The following NCAPD3 variants were observed in gnomAD, a reference collection of about 807,000 sequenced individuals.
NCAPD3 encodes the protein non-SMC condensin II complex subunit D3.
Under a neutral mutation model 182.9 loss-of-function variants are expected in NCAPD3, and 105 were observed. That is an observed-to-expected ratio of 0.57 (90% confidence interval 0.49 to 0.68). NCAPD3 has a LOEUF of 0.68. NCAPD3 is among the 30% of genes least tolerant of loss of function. The pLI is 0.00. For missense variants in NCAPD3, 1,944 were observed against 1,837.0 expected (o/e 1.06, Z -1.07); for synonymous variants, 815 against 679.9 (o/e 1.20, Z -3.09).
In NCAPD3 at chr11:134,150,866, G is replaced by A. The variant is rs1203550149; in HGVS notation, c.*2078C>T. The stretch of plus-strand genomic sequence containing the variant: ...AGCCTTTTAAAGAACGTCAGGTGGA[G>A]CAGCCAGGTGAAAGGCCTGGCGGGG... On this transcript the variant is annotated 3_prime_UTR_variant, in exon 35 of 35. Transcript: ENST00000534548. 3 of 152,220 alleles carry A rather than the reference G, an allele frequency of 2.0e-5. No homozygotes were observed. Among genetic ancestry groups the A allele is most frequent in the Non-Finnish European group, 4.4e-5 (3 of 68,050 alleles). The allele number at this position is 152,220 out of a possible 1,614,324, so 9.4% of individuals were successfully genotyped here.
At chr11:134,158,573 G>A (rs1406897057) in intron 29 of NCAPD3, 78 bp from the exon 30 acceptor site, 3 of 1,452,756 alleles carry the variant, frequency 2.1e-6, no homozygotes, top group East Asian at 2.3e-5. Flanking sequence ...AGTTGTACAT[G>A]GTTGGGGGTC....
chr11:134,186,787 C>T (rs923541599), intron 16 of NCAPD3, among the ~76,000 whole-genome samples: 2 of 152,024 alleles, frequency 1.3e-5, no homozygotes, highest in African/African-American at 4.8e-5. Context: ...CATCTATATA[C>T]CATAATAAGC....
chr11:134,184,505 C>T (rs1367003687), intron 19 of NCAPD3, 132 bp downstream of exon 19: 10 of 614,870 alleles, frequency 1.6e-5, no homozygotes, highest in Middle Eastern at 8.8e-4. Flanking sequence ...TGCCTTGTTG[C>T]GGCAATAGCT....
intron 7 of NCAPD3, among the ~76,000 whole-genome samples, chr11:134,207,658 C>T (rs1295011598): frequency 1.4e-5 from 2 of 146,478 alleles, no homozygotes; most frequent in African/African-American, 5.1e-5. Flanking sequence ...GCAGGAGAAT[C>T]ACTTGAACCT....
At chr11:134,165,801 GCA>G (rs1236236459) in intron 27 of NCAPD3, among the ~76,000 whole-genome samples, 2 of 137,358 alleles carry the variant, frequency 1.5e-5, no homozygotes, top group Non-Finnish European at 3.1e-5. Context: ...TAGGGGAGAT[GCA>G]CACTCACTTG....
intron 1 of NCAPD3, chr11:134,223,330 A>G: frequency 1.5e-6 from 1 of 677,740 alleles, no homozygotes; most frequent in Non-Finnish European, 2.7e-6. Context: ...GACACCTCAG[A>G]GGCAGGACAG....
intron 13 of NCAPD3, among the ~76,000 whole-genome samples, chr11:134,198,971 T>C (rs1944691919): frequency 6.6e-6 from 1 of 152,194 alleles, no homozygotes; most frequent in Admixed American, 6.5e-5. Context: ...ACATCTGGTG[T>C]TCATGGATTA....
At chr11:134,180,555 G>A (rs1042194271) in intron 20 of NCAPD3, among the ~76,000 whole-genome samples, 10 of 152,144 alleles carry the variant, frequency 6.6e-5, no homozygotes, top group African/African-American at 2.4e-4. Context: ...TCTAAAGCAG[G>A]GGTGCCACAG....
intron 29 of NCAPD3, 145 bp from the exon 30 acceptor site, chr11:134,158,640 T>G: frequency 3.7e-6 from 3 of 814,910 alleles, no homozygotes; most frequent in Non-Finnish European, 3.8e-6. Flanking sequence ...GTAATTGGCA[T>G]CTCCATCACC....
intron 16 of NCAPD3, among the ~76,000 whole-genome samples, chr11:134,190,880 G>A (rs559344244): frequency 2.0e-5 from 3 of 152,076 alleles, no homozygotes; most frequent in African/African-American, 7.2e-5. Flanking sequence ...AATCTGGTTG[G>A]GTGCAAGATT....
At chr11:134,221,655 T>C (rs940764317) in intron 1 of NCAPD3, among the ~76,000 whole-genome samples, 3 of 152,250 alleles carry the variant, frequency 2.0e-5, no homozygotes, top group Non-Finnish European at 4.4e-5. Flanking sequence ...CAGGTGTTCC[T>C]TCAAATTAAT....
intron 22 of NCAPD3, 53 bp from the exon 23 acceptor site, chr11:134,177,510 T>C: frequency 6.7e-7 from 1 of 1,494,360 alleles, no homozygotes; most frequent in Non-Finnish European, 9.2e-7. Flanking sequence ...CCTAATTCCA[T>C]TCCTAAATTT....
chr11:134,168,008 C>T lies in NCAPD3; in HGVS notation c.3561G>A (p.Lys1187=), dbSNP rs1229023442. ...ANVVMQEAQK[K]LISQVQKRNF... Reference sequence around the variant, plus strand: ...GCAACACACTCACTTGTGAGATGAGCTTCTTCTGAGCTTCCTGCATGACTA... The same window carrying T: ...GCAACACACTCACTTGTGAGATGAGTTTCTTCTGAGCTTCCTGCATGACTA... The change falls in exon 27 of 35, where the codon AAG becomes AAA. Residue 1187 remains lysine (K), a synonymous_variant. Transcript: ENST00000534548. 1 of 1,613,742 alleles carries T rather than the reference C, an allele frequency of 6.2e-7. No homozygotes were observed. Among genetic ancestry groups the T allele is most frequent in the Non-Finnish European group, 8.5e-7 (1 of 1,179,852 alleles).
chr11:134,214,399 T>C (rs1161622103), intron 3 of NCAPD3, among the ~76,000 whole-genome samples: 5 of 152,202 alleles, frequency 3.3e-5, no homozygotes, highest in Admixed American at 1.3e-4. Flanking sequence ...ATTTGTGGGA[T>C]GCAGATGAAG....
In NCAPD3 at chr11:134,168,994, T is replaced by C. The variant is rs749676205; in HGVS notation, c.3162A>G (p.Gln1054=). ...LLKRNPVMFF[Q]HFIECIFHFN... ...AGTGAAAAATACATTCAATGAAGTG[T>C]TGGAAGAACATGACAGGGTTCCTCT... The change falls in exon 25 of 35, where the codon CAA becomes CAG. Residue 1054 remains glutamine, a synonymous_variant. Coordinates refer to ENST00000534548, the MANE Select transcript of NCAPD3 (RefSeq NM_015261.3). 26 of 1,613,886 alleles carry C rather than the reference T, an allele frequency of 1.6e-5. No individual in the cohort carries two copies. In the Admixed American group the frequency reaches 2.0e-4, roughly 12 times the overall value.
rs566308416 is a variant in NCAPD3 at position 134,152,594 on chromosome 11, G to A, written c.*350C>T. 1.6e-5 allele frequency: 3 copies of A among 186,336 alleles called. No homozygotes were observed. Among genetic ancestry groups the A allele is most frequent in the South Asian group, 1.9e-4 (1 of 5,158 alleles). The allele number at this position is 186,336 out of a possible 1,614,324, so 11.5% of individuals were successfully genotyped here. On this transcript the variant is annotated 3_prime_UTR_variant, in exon 35 of 35. Transcript: ENST00000534548. Reference sequence around the variant, plus strand: ...CTATAAGGAATTCAAGTTAACAGAGGCTTGATTTATATAAAAGAAAGCTGC... The same window carrying A: ...CTATAAGGAATTCAAGTTAACAGAGACTTGATTTATATAAAAGAAAGCTGC...
At chr11:134,167,648 TG>T (rs1217775561) in intron 27 of NCAPD3, among the ~76,000 whole-genome samples, 2 of 99,422 alleles carry the variant, frequency 2.0e-5, no homozygotes, top group African/African-American at 4.1e-5. Flanking sequence ...GAGATGAGCT[TG>T]GGGGAGCAGC....
At chr11:134,199,217 C>T (rs1944697739) in intron 13 of NCAPD3, among the ~76,000 whole-genome samples, 1 of 152,146 alleles carries the variant, frequency 6.6e-6, no homozygotes, top group South Asian at 2.1e-4. Flanking sequence ...TATGTTAACA[C>T]CAAAATATGA....
At chr11:134,155,295 C>G (rs750122326) in intron 32 of NCAPD3, among the ~76,000 whole-genome samples, 5 of 152,156 alleles carry the variant, frequency 3.3e-5, no homozygotes, top group Non-Finnish European at 7.3e-5. Context: ...TCTCCCCCAC[C>G]TAAACTAAAA....
Sources: allele counts gnomAD v4.1 joint callset (sites outside exome capture counted in the v4.1 genomes callset), GRCh38; gene constraint gnomAD v4.1.1; transcripts MANE v1.5; gene names NCBI Gene and HGNC (gene_info 2026-07-23, HGNC 2026-07-21).